Variants in CFAP47 observed in about 807,000 individuals in gnomAD.
The protein encoded by CFAP47 is cilia and flagella associated protein 47.
Under a neutral mutation model 148.1 loss-of-function variants are expected in CFAP47, and 29 were observed. The observed-to-expected ratio is 0.20, with a 90% CI of 0.15 to 0.27. The LOEUF (loss-of-function observed/expected upper bound fraction) is 0.27. CFAP47 is among the 10% of genes least tolerant of loss of function. CFAP47 has a pLI of 1.00. For missense variants in CFAP47, 1,872 were observed against 1,697.5 expected (o/e 1.10, Z -1.81); for synonymous variants, 664 against 577.3 (o/e 1.15, Z -2.15).
At chrX:36,166,591 A>G (rs1939493157) in intron 39 of CFAP47, among the ~76,000 whole-genome samples, 1 of 110,665 alleles carries the variant, frequency 9.0e-6, no homozygotes, top group Non-Finnish European at 1.9e-5. Flanking sequence ...TTTCTGTTCA[A>G]TCTGATACCT....
intron 49 of CFAP47, among the ~76,000 whole-genome samples, chrX:36,252,941 C>T (rs782726547): frequency 8.9e-6 from 1 of 112,107 alleles, no homozygotes; most frequent in African/African-American, 3.2e-5. Context: ...ATGTTTATAA[C>T]TACCACAAAG....
chrX:36,151,881 T>A (rs1939310925), intron 37 of CFAP47, among the ~76,000 whole-genome samples: 1 of 111,939 alleles, frequency 8.9e-6, no homozygotes, highest in Admixed American at 9.5e-5. Flanking sequence ...GCTGAGAAGC[T>A]CAAGATCAAA....
intron 46 of CFAP47, among the ~76,000 whole-genome samples, chrX:36,231,227 A>G (rs1411231959): frequency 9.1e-6 from 1 of 110,253 alleles, no homozygotes; most frequent in African/African-American, 3.3e-5. Flanking sequence ...CATGATATTG[A>G]TTCTTCCTAC....
At chrX:36,339,151 G>A (rs1298624447) in intron 57 of CFAP47, among the ~76,000 whole-genome samples, 1 of 111,914 alleles carries the variant, frequency 8.9e-6, no homozygotes, top group African/African-American at 3.2e-5. Flanking sequence ...GCACAAAATG[G>A]AATTATCTAG....
intron 37 of CFAP47, among the ~76,000 whole-genome samples, chrX:36,159,029 CA>C (rs1376415138): frequency 9.0e-6 from 1 of 111,682 alleles, no homozygotes; most frequent in African/African-American, 3.3e-5. Flanking sequence ...ATGTTATTTT[CA>C]CTAATGATTT....
intron 20 of CFAP47, among the ~76,000 whole-genome samples, chrX:36,000,807 T>C (rs1395129089): frequency 8.9e-6 from 1 of 112,053 alleles, no homozygotes; most frequent in Admixed American, 9.5e-5. Flanking sequence ...ATGTATTAGA[T>C]ATCTTGATGT....
intron 56 of CFAP47, among the ~76,000 whole-genome samples, chrX:36,314,691 CATCT>C (rs1206451305): frequency 9.0e-6 from 1 of 111,551 alleles, no homozygotes; most frequent in Non-Finnish European, 1.9e-5. Flanking sequence ...ATCTATCTAT[CATCT>C]ATCTATTTAT....
At chrX:36,175,590 G>A (rs1335810920) in intron 39 of CFAP47, among the ~76,000 whole-genome samples, 1 of 111,975 alleles carries the variant, frequency 8.9e-6, no homozygotes, top group Non-Finnish European at 1.9e-5. Context: ...TGCTGGGGTG[G>A]TGCCTCCCAG....
intron 33 of CFAP47, among the ~76,000 whole-genome samples, chrX:36,118,650 A>G (rs1938685414): frequency 9.1e-6 from 1 of 109,358 alleles, no homozygotes; most frequent in African/African-American, 3.3e-5. Flanking sequence ...ATTTTTTTGT[A>G]TTTTTAGTAG....
intron 57 of CFAP47, among the ~76,000 whole-genome samples, chrX:36,343,043 A>T (rs1449350278): frequency 9.0e-6 from 1 of 111,076 alleles, no homozygotes; most frequent in Non-Finnish European, 1.9e-5. Flanking sequence ...ACTCCCACTT[A>T]TGAGGGAGAA....
At chrX:36,098,723 TG>T in intron 30 of CFAP47, 69 bp from the exon 31 acceptor site, 1 of 467,020 alleles carries the variant, frequency 2.1e-6, no homozygotes. Flanking sequence ...ATTTAATTGA[TG>T]GTCAATGCAA....
rs149640089 is a variant in CFAP47 at position 36,080,608 on chromosome X, G to T, written c.4692-4706G>T. 5.1e-3 allele frequency among the ~76,000 whole-genome samples: 571 copies of T among 111,649 alleles called. 3 individuals are homozygous for T. The highest frequency in any genetic ancestry group is 0.017 in the African/African-American group (517 of 30,709). On this transcript the variant is annotated intron_variant, in intron 29 of 63. Transcript: ENST00000378653. ...TGGAATACTATGAAGCCACAAAAAA[G>T]GATGAGTTCATGTCCTTTGCAGCAA...
Position 36,310,951 on chromosome X carries a change from C to T in CFAP47, c.8306C>T (p.Pro2769Leu). The change falls in exon 56 of 64, where the codon CCC (proline) becomes CTC (leucine). Residue 2769 changes from proline to leucine, a missense_variant. Coordinates refer to ENST00000378653, the MANE Select transcript of CFAP47 (RefSeq NM_001304548.2). ...QSTIVIPFKN[P>L]TMEDVLIDII... is the part of the protein sequence containing the mutation. ...ACTATTGTTATACCTTTCAAAAATC[C>T]CACAATGGAAGATGTCCTCATTGAT... The T allele has an allele frequency of 8.8e-7, 1 of 1,138,463 alleles. No individual in the cohort carries two copies. The highest frequency in any genetic ancestry group is 2.8e-5 in the Admixed American group (1 of 35,943). The allele number at this position is 1,138,463 out of a possible 1,213,427, so 93.8% of individuals were successfully genotyped here.
chrX:36,385,140 T>C lies in CFAP47; in HGVS notation c.*134T>C. 2.2e-6 allele frequency: 1 copy of C among 465,033 alleles called. No individual in the cohort carries two copies. Among genetic ancestry groups the C allele is most frequent in the Non-Finnish European group, 3.7e-6 (1 of 269,932 alleles). 38.3% of individuals were successfully genotyped at this position (465,033 alleles called of 1,213,427 possible). ...TATTTCCTTGTCTTTTAAAATTCAA[T>C]CTGTTCTCTGAATATATTATACTTC... On this transcript the variant is annotated 3_prime_UTR_variant, in exon 64 of 64. Transcript: ENST00000378653.
At chrX:36,147,143 G>T (rs1939247454) in intron 36 of CFAP47, among the ~76,000 whole-genome samples, 1 of 112,059 alleles carries the variant, frequency 8.9e-6, no homozygotes, top group Non-Finnish European at 1.9e-5. Flanking sequence ...AACATAGAGT[G>T]CAGTGATTTT....
At chrX:36,017,465 C>T (rs1324460516) in intron 22 of CFAP47, among the ~76,000 whole-genome samples, 3 of 111,984 alleles carry the variant, frequency 2.7e-5, no homozygotes, top group Non-Finnish European at 5.6e-5. Context: ...TTTGCCTGGA[C>T]CAATGTCCTG....
At chrX:36,198,803 G>A (rs1939946048) in intron 42 of CFAP47, among the ~76,000 whole-genome samples, 2 of 111,379 alleles carry the variant, frequency 1.8e-5, no homozygotes, top group Non-Finnish European at 3.8e-5. Flanking sequence ...TCCTGTCATG[G>A]CTTGAACTAG....
At chrX:36,354,180 T>A (rs996982818) in intron 60 of CFAP47, among the ~76,000 whole-genome samples, 19 of 111,763 alleles carry the variant, frequency 1.7e-4, no homozygotes, top group African/African-American at 5.8e-4. Context: ...CAGATTTGTA[T>A]ATAAGAATTT....
At chrX:36,344,634 CTT>C (rs1209159721) in intron 57 of CFAP47, among the ~76,000 whole-genome samples, 1 of 111,812 alleles carries the variant, frequency 8.9e-6, no homozygotes, top group Non-Finnish European at 1.9e-5. Flanking sequence ...GTGAGCTACT[CTT>C]TTTTTATCTG....
Sources: allele counts gnomAD v4.1 joint callset (sites outside exome capture counted in the v4.1 genomes callset), GRCh38; gene constraint gnomAD v4.1.1; transcripts MANE v1.5; gene names NCBI Gene and HGNC (gene_info 2026-07-23, HGNC 2026-07-21).